Variants in RP1 observed in about 807,000 individuals in gnomAD.
RP1 encodes RP1 axonemal microtubule associated.
Under a neutral mutation model 14.8 loss-of-function variants are expected in RP1, and 16 were observed. That is an observed-to-expected ratio of 1.08 (90% CI 0.73 to 1.65). RP1 has a LOEUF of 1.65. Among genes scored for constraint, RP1 ranks in the 40% most tolerant of loss-of-function variants. The pLI is 0.00. For synonymous variants in RP1, 876 were observed against 883.6 expected, an observed-to-expected ratio of 0.99 and a Z score of 0.15; for missense variants, 2,631 against 2,535.0, an observed-to-expected ratio of 1.04 and a Z score of -0.81.
Position 54,853,774 on chromosome 8 carries a change from G to A in RP1, c.3990+1046G>A, listed in dbSNP as rs186244372. 4.3e-3 allele frequency among the ~76,000 whole-genome samples: 474 copies of A among 109,910 alleles called. 3 individuals are homozygous for A. The highest frequency in any genetic ancestry group is 0.018 in the African/African-American group (440 of 24,912). The allele number at this position is 109,910 out of a possible 152,430, so 72.1% of individuals were successfully genotyped here. ...AAAGAGAGAGAGAAAGAAAGAGAAA[G>A]GAAGGAAGAGAAAGAAAGAGAGAGA... On this transcript the variant is annotated intron_variant, in intron 26 of 28. Coordinates refer to the RP1 transcript ENST00000637698.
At chr8:54,740,727 A>T (rs1162871338) in intron 19 of RP1, among the ~76,000 whole-genome samples, 4 of 152,126 alleles carry the variant, frequency 2.6e-5, no homozygotes, top group African/African-American at 7.2e-5. Flanking sequence ...GTCTTAAAAA[A>T]AATAATAATA....
chr8:54,608,174 G>A (rs1805506769), intron 1 of RP1, among the ~76,000 whole-genome samples: 1 of 149,900 alleles, frequency 6.7e-6, no homozygotes, highest in Admixed American at 6.6e-5. Context: ...TCCTATTTTG[G>A]CCATCTGCCT....
intron 24 of RP1, among the ~76,000 whole-genome samples, chr8:54,797,542 C>CACACAG (rs975548118): frequency 4.3e-4 from 66 of 151,784 alleles, no homozygotes; most frequent in African/African-American, 1.2e-3. Context: ...CACACACACA[C>CACACAG]ACACACACAC....
At chr8:54,765,061 G>A (rs1585672894) in intron 22 of RP1, among the ~76,000 whole-genome samples, 1 of 152,200 alleles carries the variant, frequency 6.6e-6, no homozygotes, top group Admixed American at 6.5e-5. Flanking sequence ...GGCAGAGAGC[G>A]GCGTTTCTGC....
intron 12 of RP1, among the ~76,000 whole-genome samples, chr8:54,683,183 G>T (rs422104): frequency 6.6e-6 from 1 of 151,806 alleles, no homozygotes; most frequent in Non-Finnish European, 1.5e-5. Context: ...TAACAGTACC[G>T]TGCTGTTTTG....
chr8:54,673,286 G>A (rs892265073), intron 7 of RP1, among the ~76,000 whole-genome samples: 2 of 152,030 alleles, frequency 1.3e-5, no homozygotes, highest in Admixed American at 6.6e-5. Context: ...TTTTTTAATG[G>A]ATATGCTACA....
Position 54,778,893 on chromosome 8 carries a change from C to T in RP1, c.3452-4654C>T, listed in dbSNP as rs112702421. Among the ~76,000 whole-genome samples the T allele has an allele frequency of 4.1e-3, 628 of 152,146 alleles. 6 individuals carry two copies. The highest frequency in any genetic ancestry group is 0.014 in the African/African-American group (594 of 41,494). On this transcript the variant is annotated intron_variant, in intron 23 of 28. Coordinates refer to the RP1 transcript ENST00000637698. ...AGAGCTAGATTAGACATTTGACAGG[C>T]ATACCAATCTATATGTAATATTACG...
chr8:54,741,705 GTGTATA>G (rs1465746543), intron 19 of RP1, among the ~76,000 whole-genome samples: 177 of 75,866 alleles, frequency 2.3e-3, no homozygotes, highest in Middle Eastern at 0.013. Flanking sequence ...ACAAATGTGT[GTGTATA>G]TATATATATA....
At chr8:54,620,833 G>T (rs1805838288) in intron 1 of RP1, 122 bp from the exon 2 acceptor site, 5 of 970,400 alleles carry the variant, frequency 5.2e-6, no homozygotes. Context: ...ATGAATAAAT[G>T]AATGAAAGAA....
At chr8:54,622,477 T>G (rs1032798791) in intron 3 of RP1, among the ~76,000 whole-genome samples, 189 bp downstream of exon 3, 2 of 152,232 alleles carry the variant, frequency 1.3e-5, no homozygotes, top group African/African-American at 4.8e-5. Context: ...ATTATCTATT[T>G]TTTAGACTTT....
intron 3 of RP1, among the ~76,000 whole-genome samples, chr8:54,647,007 A>T (rs1806564980): frequency 6.6e-6 from 1 of 152,150 alleles, no homozygotes; most frequent in Non-Finnish European, 1.5e-5. Flanking sequence ...TAGTTTTTTT[A>T]AAATTATGTT....
At chr8:54,698,421 G>A (rs1026015821) in intron 12 of RP1, among the ~76,000 whole-genome samples, 2 of 152,148 alleles carry the variant, frequency 1.3e-5, no homozygotes, top group African/African-American at 4.8e-5. Flanking sequence ...AAATAGGAAC[G>A]CTTTTACGCT....
rs535153808 is a variant in RP1, at chr8:54,768,415, C to T, written c.3249-1326C>T. On this transcript the variant is annotated intron_variant, in intron 22 of 22. Coordinates refer to the RP1 transcript ENST00000636932. ...CTTCTGTTTTACACTGGAAGCTCCT[C>T]AGGTCACGTTTCTTCTCTCTTTTGT... is the stretch of plus-strand genomic sequence containing the variant. Among the ~76,000 whole-genome samples, 52 of 152,278 alleles carry T rather than the reference C, an allele frequency of 3.4e-4. No individual in the cohort carries two copies. In the South Asian group the frequency reaches 5.8e-3, roughly 17 times the overall value.
intron 24 of RP1, among the ~76,000 whole-genome samples, chr8:54,803,484 G>A (rs917384665): frequency 5.3e-5 from 8 of 152,114 alleles, no homozygotes; most frequent in Admixed American, 3.3e-4. Flanking sequence ...TAAGAAAACC[G>A]AGGGTCCAGG....
In RP1 at chr8:54,661,811, T is replaced by C. The variant is rs554132987; in HGVS notation, c.1172-1888T>C. Among the ~76,000 whole-genome samples the C allele has an allele frequency of 6.6e-5, 10 of 152,252 alleles. No homozygotes were observed. The East Asian group carries it at 1.7e-3, about 26-fold the overall frequency. The stretch of plus-strand genomic sequence containing the variant: ...TTTTTTAAAAAAGTATTTTTCTGTG[T>C]TGTTAGATTGGATGATTTCTATTTA... On this transcript the variant is annotated intron_variant, in intron 6 of 22. Transcript: ENST00000636932.
chr8:54,712,923 C>T (rs1224703437), intron 15 of RP1, among the ~76,000 whole-genome samples: 2 of 152,164 alleles, frequency 1.3e-5, no homozygotes, highest in Non-Finnish European at 2.9e-5. Context: ...CTCTTAATTA[C>T]CCTAGTTTGC....
At chr8:54,814,590 A>G (rs1811089288) in intron 24 of RP1, among the ~76,000 whole-genome samples, 1 of 152,202 alleles carries the variant, frequency 6.6e-6, no homozygotes, top group Non-Finnish European at 1.5e-5. Flanking sequence ...GGAACACTGG[A>G]CATAGAATTT....
intron 3 of RP1, among the ~76,000 whole-genome samples, chr8:54,638,767 T>A (rs1347347540): frequency 6.6e-6 from 1 of 152,166 alleles, no homozygotes; most frequent in Non-Finnish European, 1.5e-5. Flanking sequence ...TTGTTTTATA[T>A]TATTTCTCTG....
intron 22 of RP1, among the ~76,000 whole-genome samples, chr8:54,760,775 C>T (rs957096339): frequency 3.9e-5 from 6 of 152,180 alleles, no homozygotes; most frequent in Non-Finnish European, 4.4e-5. Flanking sequence ...TCAAGAGGAC[C>T]TTTCCTTGCT....
Sources: gnomAD v4.1 joint callset for allele counts (sites outside exome capture counted in the v4.1 genomes callset) on GRCh38, gnomAD v4.1.1 for gene constraint, MANE v1.5 for transcripts, NCBI Gene and HGNC (gene_info 2026-07-23, HGNC 2026-07-21) for gene names.